The following MTUS2 variants were observed in gnomAD, a reference collection of about 807,000 sequenced individuals.
The protein encoded by MTUS2 is microtubule-associated tumor suppressor candidate 2.
MTUS2 carries 40 observed loss-of-function variants against 114.1 expected under a neutral mutation model. That is an observed-to-expected ratio of 0.35 (90% confidence interval 0.27 to 0.46). MTUS2 has a LOEUF of 0.46. Among genes scored for constraint, MTUS2 ranks in the 20% least tolerant of loss-of-function variants. The pLI, the probability that MTUS2 is intolerant of heterozygous loss-of-function variation, is 1.00. For missense variants in MTUS2, 1,679 were observed against 1,705.4 expected (o/e 0.98, Z 0.27); for synonymous variants, 688 against 672.0 (o/e 1.02, Z -0.37).
intron 5 of MTUS2, among the ~76,000 whole-genome samples, chr13:29,159,685 T>G (rs1893013643): frequency 6.6e-6 from 1 of 151,588 alleles, no homozygotes; most frequent in Non-Finnish European, 1.5e-5. Context: ...AGATAAGAGA[T>G]ATGAGCAGCC....
chr13:29,277,930 G>A (rs756306285), intron 5 of MTUS2, among the ~76,000 whole-genome samples: 2 of 152,204 alleles, frequency 1.3e-5, no homozygotes, highest in Non-Finnish European at 2.9e-5. Flanking sequence ...ACCTGCAAAA[G>A]ATGATTCATG....
At position 28,828,144 on chromosome 13, in the gene MTUS2, T is replaced by C. The variant is rs147466669; in HGVS notation, c.-316+7533T>C. On this transcript the variant is annotated intron_variant, in intron 1 of 15. Coordinates refer to ENST00000612955, the MANE Select transcript of MTUS2 (RefSeq NM_001033602.4). ...GACCTCCCCTTGGGAATGCATTCTC[T>C]TTCTCAGGGGTGTTCCTTGCTGAGA... 2.0e-3 allele frequency among the ~76,000 whole-genome samples: 298 copies of C among 152,338 alleles called. 2 individuals are homozygous for C. The highest frequency in any genetic ancestry group is 6.9e-3 in the African/African-American group (285 of 41,584).
At chr13:28,937,259 A>T (rs1881952360) in intron 2 of MTUS2, among the ~76,000 whole-genome samples, 1 of 152,144 alleles carries the variant, frequency 6.6e-6, no homozygotes, top group African/African-American at 2.4e-5. Flanking sequence ...AGGTTTGTAA[A>T]ATGCACCAAT....
intron 5 of MTUS2, among the ~76,000 whole-genome samples, chr13:29,206,793 C>A (rs1232287596): frequency 6.6e-6 from 1 of 152,138 alleles, no homozygotes; most frequent in African/African-American, 2.4e-5. Flanking sequence ...CAGTACCATG[C>A]TGTTTTGGTG....
intron 2 of MTUS2, among the ~76,000 whole-genome samples, chr13:28,937,995 C>T (rs976895733): frequency 1.3e-5 from 2 of 152,180 alleles, no homozygotes; most frequent in African/African-American, 4.8e-5. Flanking sequence ...CTGCATGCCT[C>T]GGAATGAGGA....
chr13:28,835,998 C>T (rs1166334148), intron 1 of MTUS2, among the ~76,000 whole-genome samples: 4 of 151,594 alleles, frequency 2.6e-5, no homozygotes, highest in Non-Finnish European at 1.5e-5. Flanking sequence ...TGCTTAGCAT[C>T]GTGTTAATGG....
At chr13:29,244,881 G>A (rs1341115722) in intron 5 of MTUS2, among the ~76,000 whole-genome samples, 5 of 144,930 alleles carry the variant, frequency 3.4e-5, no homozygotes, top group Middle Eastern at 3.6e-3. Context: ...GCGTGAACCC[G>A]GGAGGCGGAG....
At chr13:29,016,327 G>C (rs1886064509) in intron 2 of MTUS2, among the ~76,000 whole-genome samples, 3 of 151,080 alleles carry the variant, frequency 2.0e-5, no homozygotes, top group Non-Finnish European at 4.4e-5. Context: ...TTTATTTTCT[G>C]GGTGGAATTC....
At chr13:29,254,669 TC>T (rs746264648) in intron 5 of MTUS2, among the ~76,000 whole-genome samples, 2 of 152,220 alleles carry the variant, frequency 1.3e-5, no homozygotes, top group African/African-American at 2.4e-5. Context: ...AAAAGTAAGC[TC>T]CTCTCCCATC....
chr13:29,457,043 G>C (rs1345820566), intron 9 of MTUS2, among the ~76,000 whole-genome samples: 1 of 151,658 alleles, frequency 6.6e-6, no homozygotes, highest in Non-Finnish European at 1.5e-5. Context: ...TACTCGGGAG[G>C]CTGAGGCAGG....
At chr13:28,946,308 CGCGCACATACCTGCGT>C (rs1882530911) in intron 2 of MTUS2, among the ~76,000 whole-genome samples, 1 of 151,410 alleles carries the variant, frequency 6.6e-6, no homozygotes, top group Admixed American at 6.6e-5. Context: ...TGTGTGTGCG[CGCGCACATACCTGCGT>C]GCAAGTGTGC....
chr13:29,279,968 A>G (rs959382871), intron 5 of MTUS2, among the ~76,000 whole-genome samples: 2 of 152,244 alleles, frequency 1.3e-5, no homozygotes, highest in African/African-American at 4.8e-5. Context: ...TCTGCTACAC[A>G]TTTCAGTGAA....
chr13:29,281,925 A>T, intron 6 of MTUS2, 60 bp downstream of exon 6: 3 of 1,502,532 alleles, frequency 2.0e-6, no homozygotes, highest in Non-Finnish European at 2.7e-6. Context: ...ATTAATAAAA[A>T]GTCTTTTGAA....
At chr13:29,156,628 C>T (rs552294863) in intron 5 of MTUS2, among the ~76,000 whole-genome samples, 63 of 152,210 alleles carry the variant, frequency 4.1e-4, no homozygotes, top group African/African-American at 1.4e-3. Flanking sequence ...ATTGTGGCAA[C>T]GTATCCCCTG....
rs1196841891 is a variant in MTUS2, at chr13:29,481,681, G to A, written c.3399+1317G>A. ...CAGAAGAGGCTTGTGAATCTTAGGG[G>A]ACCTGGGAGAAATTTCAGAGTAATA... On this transcript the variant is annotated intron_variant, in intron 10 of 15. Coordinates refer to ENST00000612955, the MANE Select transcript of MTUS2 (RefSeq NM_001033602.4). Among the ~76,000 whole-genome samples the A allele has an allele frequency of 2.0e-5, 3 of 152,206 alleles. No individual in the cohort carries two copies. In the East Asian group the frequency reaches 5.8e-4, roughly 29 times the overall value.
At chr13:28,921,980 G>T (rs1881066993) in intron 2 of MTUS2, among the ~76,000 whole-genome samples, 1 of 152,212 alleles carries the variant, frequency 6.6e-6, no homozygotes, top group South Asian at 2.1e-4. Flanking sequence ...TTAGCTTTGT[G>T]TCCCCACCCA....
At chr13:29,455,618 G>A (rs919082178) in intron 9 of MTUS2, among the ~76,000 whole-genome samples, 2 of 152,182 alleles carry the variant, frequency 1.3e-5, no homozygotes, top group Non-Finnish European at 2.9e-5. Context: ...ACAATGTTGA[G>A]CATGCATAAA....
At chr13:29,383,295 A>G (rs551754698) in intron 8 of MTUS2, among the ~76,000 whole-genome samples, 6 of 134,608 alleles carry the variant, frequency 4.5e-5, no homozygotes, top group Non-Finnish European at 9.4e-5. Context: ...TGTAATGCCT[A>G]CCAGCCATCT....
intron 5 of MTUS2, among the ~76,000 whole-genome samples, chr13:29,214,207 T>A (rs1316006216): frequency 3.3e-5 from 5 of 152,040 alleles, no homozygotes; most frequent in Admixed American, 3.3e-4. Context: ...TTCCATTTGC[T>A]TGGTAAGTAT....
Sources: gnomAD v4.1 joint callset for allele counts (sites outside exome capture counted in the v4.1 genomes callset) on GRCh38, gnomAD v4.1.1 for gene constraint, MANE v1.5 for transcripts, NCBI Gene and HGNC (gene_info 2026-07-23, HGNC 2026-07-21) for gene names.